The following KATNA1 variants were observed in gnomAD, a reference collection of about 807,000 sequenced individuals.
KATNA1 encodes the protein katanin catalytic subunit A1.
KATNA1 carries 42 observed loss-of-function variants against 62.6 expected under a neutral mutation model. The observed-to-expected ratio is 0.67, with a 90% confidence interval of 0.52 to 0.87. KATNA1 has a LOEUF of 0.87. Ranked by LOEUF, KATNA1 falls within the 40% of genes least tolerant of loss-of-function variation. The pLI, the probability that KATNA1 is intolerant of heterozygous loss-of-function variation, is 0.00. For missense variants in KATNA1, 498 were observed against 612.5 expected, an observed-to-expected ratio of 0.81 and a Z score of 1.97; for synonymous variants, 186 against 201.9, an observed-to-expected ratio of 0.92 and a Z score of 0.67.
intron 4 of KATNA1, among the ~76,000 whole-genome samples, chr6:149,607,142 A>G (rs1778769570): frequency 6.6e-6 from 1 of 152,220 alleles, no homozygotes; most frequent in Admixed American, 6.5e-5. Context: ...CCCATAGAAC[A>G]CAGTACTAAG....
intron 1 of KATNA1, among the ~76,000 whole-genome samples, chr6:149,643,936 C>T (rs1000856667): frequency 3.3e-5 from 5 of 151,914 alleles, no homozygotes; most frequent in African/African-American, 7.3e-5. Context: ...GATCAGCCCA[C>T]CTTAGCCTCC....
chr6:149,648,737 G>A (rs1300881314), upstream of KATNA1: 2 of 152,244 alleles, frequency 1.3e-5, no homozygotes, highest in African/African-American at 4.8e-5. Context: ...GCGTCGCCCC[G>A]GGAGCGAGGT....
intron 3 of KATNA1, among the ~76,000 whole-genome samples, chr6:149,629,225 T>C (rs1177826307): frequency 6.6e-6 from 1 of 152,180 alleles, no homozygotes; most frequent in African/African-American, 2.4e-5. Context: ...GTTACAGGAC[T>C]GTTAGAGGCT....
chr6:149,646,206 T>G (rs1780482692), intron 1 of KATNA1, among the ~76,000 whole-genome samples: 1 of 152,126 alleles, frequency 6.6e-6, no homozygotes, highest in South Asian at 2.1e-4. Flanking sequence ...TCCTTGAAGT[T>G]TAATAGAAGG....
intron 4 of KATNA1, among the ~76,000 whole-genome samples, chr6:149,607,526 C>T (rs886293223): frequency 5.9e-5 from 9 of 152,096 alleles, no homozygotes; most frequent in African/African-American, 2.2e-4. Context: ...AGAGGAGAAT[C>T]GCTTGAACCC....
chr6:149,647,806 T>G (rs1367686015), intron 1 of KATNA1, among the ~76,000 whole-genome samples: 1 of 152,214 alleles, frequency 6.6e-6, no homozygotes, highest in East Asian at 1.9e-4. Context: ...AGTTAGTAAC[T>G]AATATAAAAG....
chr6:149,615,258 G>A (rs1264071413), intron 4 of KATNA1, among the ~76,000 whole-genome samples: 1 of 149,648 alleles, frequency 6.7e-6, no homozygotes, highest in Non-Finnish European at 1.5e-5. Context: ...GGCTGGGGGT[G>A]CAATGGTGCA....
intron 1 of KATNA1, among the ~76,000 whole-genome samples, chr6:149,644,358 C>T (rs796502037): frequency 3.0e-4 from 45 of 152,112 alleles, no homozygotes; most frequent in African/African-American, 9.9e-4. Context: ...TGGTGGTTCA[C>T]GCCTGTAATC....
In KATNA1 at chr6:149,602,341, C is replaced by T. The variant is rs138253890; in HGVS notation, c.730-589G>A. On this transcript the variant is annotated intron_variant, in intron 6 of 10. Transcript: ENST00000367411. ...AAGATCGCACTGCACTCCAGCCTGGCGACAGAGCGAGACTCCATCTCAAAA... is the reference window on the plus strand; with the variant it reads ...AAGATCGCACTGCACTCCAGCCTGGTGACAGAGCGAGACTCCATCTCAAAA... Among the ~76,000 whole-genome samples, 5 of 152,110 alleles carry T rather than the reference C, an allele frequency of 3.3e-5. No homozygotes were observed. In the East Asian group the frequency reaches 7.7e-4, roughly 23 times the overall value.
chr6:149,638,671 C>A (rs1170794764), intron 1 of KATNA1, 111 bp from the exon 2 acceptor site: 3 of 639,868 alleles, frequency 4.7e-6, no homozygotes, highest in African/African-American at 3.7e-5. Flanking sequence ...ATCACACATA[C>A]CACACTTCCC....
chr6:149,596,572 A>C lies in KATNA1; in HGVS notation c.1277+491T>G, dbSNP rs1486794760. Among the ~76,000 whole-genome samples the C allele has an allele frequency of 2.6e-5, 4 of 150,964 alleles. No homozygotes were observed. In the South Asian group the frequency reaches 6.3e-4, roughly 24 times the overall value. ...AAAACTGGAATGTGGGTCTTTATTC[A>C]TCTTTTTTTTTTTTCTTTGGACACA... is the stretch of plus-strand genomic sequence containing the variant. On this transcript the variant is annotated intron_variant, in intron 10 of 10. Coordinates refer to ENST00000367411, the MANE Select transcript of KATNA1 (RefSeq NM_007044.4).
chr6:149,638,712 T>A, intron 1 of KATNA1, 152 bp from the exon 2 acceptor site: 14 of 272,020 alleles, frequency 5.1e-5, no homozygotes, highest in Non-Finnish European at 7.9e-5. Context: ...GCTATTTCAC[T>A]CCTTTAAAAA....
intron 4 of KATNA1, among the ~76,000 whole-genome samples, chr6:149,615,666 A>G (rs1211753415): frequency 6.6e-6 from 1 of 152,066 alleles, no homozygotes; most frequent in Admixed American, 6.6e-5. Flanking sequence ...CTATAGTCTC[A>G]ACTACCTGGG....
intron 4 of KATNA1, among the ~76,000 whole-genome samples, chr6:149,618,744 A>C (rs78922700): frequency 1.3e-5 from 2 of 152,326 alleles, no homozygotes; most frequent in East Asian, 3.9e-4. Context: ...CAGTGTTTTT[A>C]ATAAGTGGTG....
intron 4 of KATNA1, among the ~76,000 whole-genome samples, chr6:149,609,685 C>A (rs2115096039): frequency 6.6e-6 from 1 of 151,816 alleles, no homozygotes; most frequent in South Asian, 2.1e-4. Flanking sequence ...CACCTATAAT[C>A]CTAGCTACTC....
At position 149,594,920 on chromosome 6, in the gene KATNA1, T is replaced by TA. The variant is rs1778237823; in HGVS notation, c.*115_*116insT. 7.6e-6 allele frequency: 6 copies of TA among 785,352 alleles called. No homozygotes were observed. The highest frequency in any genetic ancestry group is 4.4e-5 in the South Asian group (2 of 44,946). 48.6% of individuals were successfully genotyped at this position (785,352 alleles called of 1,614,324 possible). ...TTTATTCAGAATCATAAGGGTTTTT[T>TA]TAAAAAAATCTTACCATTATGAAAG... On this transcript the variant is annotated 3_prime_UTR_variant, in exon 11 of 11. Transcript: ENST00000367411.
chr6:149,613,058 T>TA (rs1449316444), intron 4 of KATNA1, among the ~76,000 whole-genome samples: 1 of 150,888 alleles, frequency 6.6e-6, no homozygotes, highest in Non-Finnish European at 1.5e-5. Context: ...CGGGCGCCTG[T>TA]AGTCCCAGCT....
chr6:149,645,807 AT>A (rs1445521349), intron 1 of KATNA1, among the ~76,000 whole-genome samples: 1 of 152,220 alleles, frequency 6.6e-6, no homozygotes, highest in Admixed American at 6.6e-5. Flanking sequence ...AAATACTGAA[AT>A]CGCAATTTTA....
chr6:149,614,075 A>T (rs989606726), intron 4 of KATNA1, among the ~76,000 whole-genome samples: 3 of 152,168 alleles, frequency 2.0e-5, no homozygotes, highest in Admixed American at 6.6e-5. Context: ...TTCTTTATAG[A>T]TTACCCAGTC....
Sources: allele counts gnomAD v4.1 joint callset (sites outside exome capture counted in the v4.1 genomes callset), GRCh38; gene constraint gnomAD v4.1.1; transcripts MANE v1.5; gene names NCBI Gene and HGNC (gene_info 2026-07-23, HGNC 2026-07-21).